PTPRM: variants seen among roughly 807,000 people sequenced by gnomAD.
The protein encoded by PTPRM is protein tyrosine phosphatase receptor type M, also known as receptor-type tyrosine-protein phosphatase mu.
In PTPRM, 47 loss-of-function variants were observed where a neutral mutation model predicts 186.7. The observed-to-expected ratio is 0.25, with a 90% confidence interval of 0.20 to 0.32. PTPRM has a LOEUF of 0.32. Ranked by LOEUF, PTPRM falls within the 10% of genes least tolerant of loss-of-function variation. The probability of loss-of-function intolerance (pLI) is 1.00; values close to 1 mark genes in which losing one functional copy is unlikely to be tolerated. For synonymous variants in PTPRM, 668 were observed against 674.9 expected, an observed-to-expected ratio of 0.99 and a Z score of 0.16; for missense variants, 1,494 against 1,865.0, an observed-to-expected ratio of 0.80 and a Z score of 3.66.
intron 2 of PTPRM, among the ~76,000 whole-genome samples, chr18:7,829,134 C>A (rs1451943818): frequency 6.6e-6 from 1 of 152,034 alleles, no homozygotes; most frequent in Non-Finnish European, 1.5e-5. Flanking sequence ...ATGATGGAAA[C>A]CTGAATATAG....
intron 20 of PTPRM, among the ~76,000 whole-genome samples, chr18:8,299,588 C>CAA (rs369444134): frequency 0.022 from 3,304 of 147,438 alleles, 117 homozygotes; most frequent in African/African-American, 0.078. Flanking sequence ...CCAGAGGTCT[C>CAA]AAAAAAACAA....
At chr18:7,900,049 T>A (rs945432405) in intron 3 of PTPRM, among the ~76,000 whole-genome samples, 1 of 152,210 alleles carries the variant, frequency 6.6e-6, no homozygotes, top group Non-Finnish European at 1.5e-5. Context: ...GTATTGCTTT[T>A]GACATGTGCT....
At chr18:7,842,448 T>C (rs116490760) in intron 2 of PTPRM, among the ~76,000 whole-genome samples, 3,004 of 152,296 alleles carry the variant, frequency 0.02, 55 homozygotes, top group African/African-American at 0.047. Context: ...GGCCAGGTAG[T>C]GGTGCCTAGT....
intron 1 of PTPRM, among the ~76,000 whole-genome samples, chr18:7,615,991 T>G (rs2143909713): frequency 6.6e-6 from 1 of 152,218 alleles, no homozygotes; most frequent in South Asian, 2.1e-4. Context: ...CTGACACTGC[T>G]GCTGATCTGA....
At chr18:7,728,669 C>T (rs1006594431) in intron 1 of PTPRM, among the ~76,000 whole-genome samples, 2 of 152,256 alleles carry the variant, frequency 1.3e-5, no homozygotes. Flanking sequence ...GCAGTCCGGT[C>T]TTCAGCCTTC....
intron 14 of PTPRM, among the ~76,000 whole-genome samples, chr18:8,234,545 C>T (rs2041237706): frequency 6.6e-6 from 1 of 152,152 alleles, no homozygotes; most frequent in South Asian, 2.1e-4. Context: ...GCGTTTCATT[C>T]ATTCCTTCTT....
chr18:7,670,171 A>C (rs541378172), intron 1 of PTPRM, among the ~76,000 whole-genome samples: 82 of 133,444 alleles, frequency 6.1e-4, no homozygotes, highest in African/African-American at 2.8e-3. Context: ...TACTAATGAG[A>C]TATTTTACCT....
intron 22 of PTPRM, among the ~76,000 whole-genome samples, chr18:8,331,348 A>G (rs1370666959): frequency 6.6e-6 from 1 of 152,196 alleles, no homozygotes; most frequent in Admixed American, 6.5e-5. Context: ...TGCTTTATGC[A>G]ACATAGTCAC....
chr18:8,382,548 C>T (rs556584242), intron 29 of PTPRM, among the ~76,000 whole-genome samples: 6 of 152,114 alleles, frequency 3.9e-5, no homozygotes, highest in Admixed American at 3.9e-4. Flanking sequence ...AACTTGTCAC[C>T]AGGAAGTGCT....
intron 1 of PTPRM, among the ~76,000 whole-genome samples, chr18:7,707,171 T>G (rs1038763417): frequency 1.3e-5 from 2 of 152,194 alleles, no homozygotes; most frequent in Admixed American, 1.3e-4. Context: ...ATTAATTACT[T>G]GAGCTTTTAA....
intron 1 of PTPRM, among the ~76,000 whole-genome samples, chr18:7,684,823 C>T (rs545026735): frequency 4.6e-5 from 7 of 152,262 alleles, no homozygotes; most frequent in African/African-American, 1.7e-4. Context: ...ACTAATAGCT[C>T]TTCAGGATCC....
At chr18:8,135,782 C>T (rs1008892179) in intron 13 of PTPRM, among the ~76,000 whole-genome samples, 9 of 152,138 alleles carry the variant, frequency 5.9e-5, no homozygotes, top group African/African-American at 2.2e-4. Flanking sequence ...AGTTCTTAGG[C>T]CCTGTGAAAG....
intron 20 of PTPRM, among the ~76,000 whole-genome samples, chr18:8,307,438 G>T (rs1401851373): frequency 6.6e-6 from 1 of 152,160 alleles, no homozygotes; most frequent in African/African-American, 2.4e-5. Context: ...ACTTATCAGT[G>T]TTCACCTTAT....
At chr18:7,595,049 C>A (rs2037221708) in intron 1 of PTPRM, among the ~76,000 whole-genome samples, 1 of 152,112 alleles carries the variant, frequency 6.6e-6, no homozygotes. Context: ...AGCCAATGTG[C>A]CACTCGTTGA....
At chr18:7,768,964 G>T (rs773315622) in intron 1 of PTPRM, among the ~76,000 whole-genome samples, 1 of 152,078 alleles carries the variant, frequency 6.6e-6, no homozygotes, top group Admixed American at 6.6e-5. Context: ...TAATTTTAAA[G>T]CATATTTCAG....
rs1231849835 is a variant in PTPRM, at chr18:8,253,402, G to C, written c.2742G>C (p.Lys914Asn). Residue 914 changes from lysine (K) to asparagine (N), a missense_variant, in exon 19 of 33, where the codon AAG (lysine) becomes AAC (asparagine). Coordinates refer to ENST00000580170, the MANE Select transcript of PTPRM (RefSeq NM_001105244.2). ...AGTGTGCGGAGGGCTACGGCTTCAA[G>C]GAGGAATACGAGGTGAGCACAAGCT... is the stretch of plus-strand genomic sequence containing the variant. ...QMKCAEGYGF[K>N]EEYESFFEGQ... is the part of the protein sequence containing the mutation. The C allele has an allele frequency of 2.0e-6, 3 of 1,526,450 alleles. No homozygotes were observed. The highest frequency in any genetic ancestry group is 2.6e-6 in the Non-Finnish European group (3 of 1,136,574). The allele number at this position is 1,526,450 out of a possible 1,614,324, so 94.6% of individuals were successfully genotyped here. A position where few individuals can be genotyped will look rare whatever the true frequency, so the allele number is the denominator to read the frequency against.
chr18:8,129,351 T>G (rs2092447780), intron 13 of PTPRM, among the ~76,000 whole-genome samples: 1 of 152,232 alleles, frequency 6.6e-6, no homozygotes, highest in Non-Finnish European at 1.5e-5. Flanking sequence ...GTTCTTTATC[T>G]TTACTCTGGT....
intron 1 of PTPRM, among the ~76,000 whole-genome samples, chr18:7,603,515 A>G (rs1353030247): frequency 6.6e-6 from 1 of 152,212 alleles, no homozygotes; most frequent in Admixed American, 6.5e-5. Context: ...GATCCATGTG[A>G]GGCCAGATGT....
At chr18:7,605,796 C>A (rs187735417) in intron 1 of PTPRM, among the ~76,000 whole-genome samples, 1 of 152,174 alleles carries the variant, frequency 6.6e-6, no homozygotes, top group Non-Finnish European at 1.5e-5. Context: ...GTGTTGTCAG[C>A]CCAGCCCTCC....
Sources: allele counts gnomAD v4.1 joint callset (sites outside exome capture counted in the v4.1 genomes callset), GRCh38; gene constraint gnomAD v4.1.1; transcripts MANE v1.5; gene names NCBI Gene and HGNC (gene_info 2026-07-23, HGNC 2026-07-21).